NEDD9: variants seen among roughly 807,000 people sequenced by gnomAD.
NEDD9 encodes the protein neural precursor cell expressed, developmentally down-regulated 9, also known as enhancer of filamentation 1.
In NEDD9, 26 loss-of-function variants were observed where a neutral mutation model predicts 76.6. That is an observed-to-expected ratio of 0.34 (90% CI 0.25 to 0.47). The LOEUF (loss-of-function observed/expected upper bound fraction) is 0.47. Ranked by LOEUF, NEDD9 falls within the 20% of genes least tolerant of loss-of-function variation. The pLI is 1.00. For synonymous variants in NEDD9, 392 were observed against 414.2 expected (o/e 0.95, Z 0.65); for missense variants, 937 against 1,058.5 (o/e 0.89, Z 1.59).
intron 3 of NEDD9, among the ~76,000 whole-genome samples, chr6:11,279,822 A>C (rs1760497900): frequency 6.6e-6 from 1 of 152,148 alleles, no homozygotes; most frequent in Non-Finnish European, 1.5e-5. Context: ...ATTGCTGCTT[A>C]TTCCTTCCCT....
At chr6:11,300,310 GAA>G (rs1211001319) in intron 3 of NEDD9, among the ~76,000 whole-genome samples, 4 of 151,920 alleles carry the variant, frequency 2.6e-5, no homozygotes, top group South Asian at 4.1e-4. Context: ...GAAGTTTAGA[GAA>G]AAAAAGAGTA....
chr6:11,318,677 G>A (rs1298974859), intron 2 of NEDD9, among the ~76,000 whole-genome samples: 1 of 150,416 alleles, frequency 6.6e-6, no homozygotes, highest in African/African-American at 2.4e-5. Context: ...TGGCCATTTT[G>A]TCTTTAAGTT....
At chr6:11,307,506 C>G (rs1292601762) in intron 2 of NEDD9, among the ~76,000 whole-genome samples, 2 of 152,114 alleles carry the variant, frequency 1.3e-5, no homozygotes, top group African/African-American at 4.8e-5. Context: ...AGCGCCCTGT[C>G]TGTCTATTGC....
intron 3 of NEDD9, among the ~76,000 whole-genome samples, chr6:11,274,714 A>G (rs75043827): frequency 0.092 from 13,954 of 152,290 alleles, 755 homozygotes; most frequent in East Asian, 0.21. Flanking sequence ...GAAAAAACCA[A>G]TGATGTGTGT....
chr6:11,295,918 G>A (rs1238681638), intron 3 of NEDD9, among the ~76,000 whole-genome samples: 2 of 152,134 alleles, frequency 1.3e-5, no homozygotes, highest in African/African-American at 4.8e-5. Flanking sequence ...ACTGAATTGT[G>A]ACCCCCACCC....
chr6:11,331,591 GAA>G (rs1392452933), intron 2 of NEDD9, among the ~76,000 whole-genome samples: 1 of 152,038 alleles, frequency 6.6e-6, no homozygotes, highest in Non-Finnish European at 1.5e-5. Context: ...TTGACTGGAG[GAA>G]ACTGAAGATG....
At chr6:11,355,726 T>G (rs925908341) in intron 1 of NEDD9, among the ~76,000 whole-genome samples, 1 of 151,132 alleles carries the variant, frequency 6.6e-6, no homozygotes, top group Non-Finnish European at 1.5e-5. Flanking sequence ...TTTTTTTTTT[T>G]AATTATTTTT....
chr6:11,262,989 G>C (rs1005258292), intron 3 of NEDD9, among the ~76,000 whole-genome samples: 1 of 152,118 alleles, frequency 6.6e-6, no homozygotes, highest in African/African-American at 2.4e-5. Context: ...TGAAAATCTG[G>C]GGTAACCAGT....
intron 3 of NEDD9, among the ~76,000 whole-genome samples, chr6:11,269,391 A>G (rs778087997): frequency 6.6e-6 from 1 of 152,244 alleles, no homozygotes; most frequent in African/African-American, 2.4e-5. Flanking sequence ...TTTATAGTCA[A>G]TCTAGTTTAT....
intron 2 of NEDD9, among the ~76,000 whole-genome samples, chr6:11,205,511 C>G (rs777333670): frequency 9.9e-5 from 15 of 152,194 alleles, no homozygotes; most frequent in Non-Finnish European, 1.6e-4. Context: ...TCAAATAAAT[C>G]AGAGGCGATT....
chr6:11,332,884 T>C (rs1762073963), intron 2 of NEDD9, among the ~76,000 whole-genome samples: 1 of 152,180 alleles, frequency 6.6e-6, no homozygotes, highest in Admixed American at 6.5e-5. Context: ...CCATGTTTTC[T>C]CTTCAGCAAA....
intron 2 of NEDD9, chr6:11,200,474 C>T (rs1396268694): frequency 2.9e-6 from 3 of 1,042,188 alleles, no homozygotes. Flanking sequence ...ATTCAGGGGA[C>T]AAGACAACAG....
intron 3 of NEDD9, chr6:11,305,021 T>C (rs765786485): frequency 7.6e-6 from 9 of 1,186,704 alleles, no homozygotes; most frequent in Non-Finnish European, 9.9e-6. Context: ...AATCCTTTTG[T>C]TACTTATCAA....
intron 2 of NEDD9, among the ~76,000 whole-genome samples, chr6:11,326,989 G>A (rs186391019): frequency 9.2e-5 from 14 of 152,326 alleles, no homozygotes; most frequent in Admixed American, 5.2e-4. Context: ...TTGGCAGTTG[G>A]AGACTTGGGT....
chr6:11,379,084 C>A (rs530408273), intron 1 of NEDD9, among the ~76,000 whole-genome samples: 6 of 152,332 alleles, frequency 3.9e-5, no homozygotes, highest in African/African-American at 1.4e-4. Context: ...CCCCTGCTTC[C>A]TGGGATATCC....
At chr6:11,365,991 A>C (rs1762756810) in intron 1 of NEDD9, among the ~76,000 whole-genome samples, 1 of 148,430 alleles carries the variant, frequency 6.7e-6, no homozygotes, top group Non-Finnish European at 1.5e-5. Context: ...AGACACAGTC[A>C]AAAAAAGAAA....
Position 11,195,886 on chromosome 6 carries a change from C to T in NEDD9, c.460-2194G>A, listed in dbSNP as rs188315834. Among the ~76,000 whole-genome samples, 188 of 152,110 alleles carry T rather than the reference C, an allele frequency of 1.2e-3. 1 individual carries two copies. The highest frequency in any genetic ancestry group is 3.4e-3 in the Middle Eastern group (1 of 294). On this transcript the variant is annotated intron_variant, in intron 2 of 6. Transcript: ENST00000379446. ...ACATGTGCCTGTAATCCCAGCTACTCGGGAGGCTGAGGCAGGAGAATCACT... is the reference window on the plus strand; with the variant it reads ...ACATGTGCCTGTAATCCCAGCTACTTGGGAGGCTGAGGCAGGAGAATCACT...
chr6:11,217,166 C>G (rs61425518), intron 1 of NEDD9, among the ~76,000 whole-genome samples: 6,688 of 152,232 alleles, frequency 0.044, 539 homozygotes, highest in African/African-American at 0.15. Flanking sequence ...TTCAGTAAGA[C>G]CATAACAGCC....
At chr6:11,300,616 A>C (rs906637764) in intron 3 of NEDD9, among the ~76,000 whole-genome samples, 1 of 152,230 alleles carries the variant, frequency 6.6e-6, no homozygotes, top group Non-Finnish European at 1.5e-5. Context: ...CCAGAGAGAA[A>C]GGTCGGGTTA....
Sources: gnomAD v4.1 joint callset for allele counts (sites outside exome capture counted in the v4.1 genomes callset) on GRCh38, gnomAD v4.1.1 for gene constraint, MANE v1.5 for transcripts, NCBI Gene and HGNC (gene_info 2026-07-23, HGNC 2026-07-21) for gene names.